SLC4A7: variants seen among roughly 807,000 people sequenced by gnomAD.
SLC4A7 encodes the protein sodium bicarbonate cotransporter 3.
A neutral mutation model predicts 137.6 loss-of-function variants in SLC4A7; 51 were observed. The observed-to-expected ratio is 0.37, with a 90% CI of 0.30 to 0.47. The LOEUF is 0.47. Ranked by LOEUF, SLC4A7 falls within the 20% of genes least tolerant of loss-of-function variation. SLC4A7 has a pLI of 1.00. For synonymous variants in SLC4A7, 542 were observed against 518.6 expected (o/e 1.05, Z -0.61); for missense variants, 1,247 against 1,525.4 (o/e 0.82, Z 3.04).
At chr3:27,394,916 GAAGAATCACAATGCTTA>G in intron 19 of SLC4A7, 21 bp downstream of exon 19, 1 of 1,560,616 alleles carries the variant, frequency 6.4e-7, no homozygotes, top group South Asian at 1.2e-5. Flanking sequence ...TCAAACCCTT[GAAGAATCACAATGCTTA>G]AGGCAAAATT....
intron 11 of SLC4A7, among the ~76,000 whole-genome samples, chr3:27,413,639 G>C (rs1273551257): frequency 6.6e-6 from 1 of 152,046 alleles, no homozygotes. Context: ...TGCTGAAAAG[G>C]CATTTGATAA....
chr3:27,448,662 G>A lies in SLC4A7; in HGVS notation c.278C>T (p.Ser93Phe). Residue 93 changes from serine (S) to phenylalanine (F), a missense_variant, in exon 3 of 26, where the codon TCT (serine) becomes TTT (phenylalanine). Ser to Phe is a radical substitution (Grantham distance 155, BLOSUM62 -2). This residue lies in a region of SLC4A7 where 176 missense variants were observed against 186.4 expected (regional missense o/e 0.94). Coordinates refer to ENST00000454389, the MANE Select transcript of SLC4A7 (RefSeq NM_001321103.2). Reference sequence around the variant, plus strand: ...CTGTTTTCTCTTACCATAAGAAGGAGATTCCCGTCCATCTTCTTTATCTGA... The same window carrying A: ...CTGTTTTCTCTTACCATAAGAAGGAAATTCCCGTCCATCTTCTTTATCTGA... ...KESDKEDGRESPSYDTPSQRV... is the reference protein window; with the variant it reads ...KESDKEDGREFPSYDTPSQRV... 3 of 1,610,962 alleles carry A rather than the reference G, an allele frequency of 1.9e-6. No individual in the cohort carries two copies. Among genetic ancestry groups the A allele is most frequent in the African/African-American group, 1.3e-5 (1 of 74,638 alleles).
intron 3 of SLC4A7, among the ~76,000 whole-genome samples, chr3:27,446,864 A>AGTTTTTTTTT (rs1253444445): frequency 7.5e-6 from 1 of 133,100 alleles, no homozygotes; most frequent in African/African-American, 2.8e-5. Context: ...CTCTTAGTAG[A>AGTTTTTTTTT]GTTTTTTTTT....
At chr3:27,385,846 T>C (rs1292304229) in intron 23 of SLC4A7, 46 bp downstream of exon 23, 1 of 1,329,156 alleles carries the variant, frequency 7.5e-7, no homozygotes, top group Admixed American at 2.2e-5. Flanking sequence ...TGGTGCAAAA[T>C]ATTAAATAAG....
intron 1 of SLC4A7, among the ~76,000 whole-genome samples, chr3:27,464,532 C>A (rs2150654846): frequency 6.6e-6 from 1 of 151,950 alleles, no homozygotes; most frequent in South Asian, 2.1e-4. Context: ...CCTATCTCCA[C>A]TAAAAATACA....
At chr3:27,397,976 A>G (rs1355710303) in intron 17 of SLC4A7, 179 bp from the exon 18 acceptor site, 7 of 610,900 alleles carry the variant, frequency 1.1e-5, no homozygotes, top group Admixed American at 6.6e-5. Flanking sequence ...TAAGAAACAC[A>G]TTTCGCAACT....
chr3:27,407,295 C>T (rs958497099), intron 13 of SLC4A7, among the ~76,000 whole-genome samples: 1 of 151,796 alleles, frequency 6.6e-6, no homozygotes, highest in Non-Finnish European at 1.5e-5. Flanking sequence ...GCCTGACCAA[C>T]ATGATGAAAC....
intron 8 of SLC4A7, among the ~76,000 whole-genome samples, chr3:27,423,102 C>T (rs185014850): frequency 6.6e-6 from 1 of 152,304 alleles, no homozygotes; most frequent in Non-Finnish European, 1.5e-5. Flanking sequence ...CCTTTCTGCA[C>T]AGCCAATGTC....
intron 13 of SLC4A7, among the ~76,000 whole-genome samples, chr3:27,405,808 T>C (rs980202149): frequency 6.6e-6 from 1 of 152,066 alleles, no homozygotes; most frequent in African/African-American, 2.4e-5. Flanking sequence ...TGACAAAGTA[T>C]CACTAAAGTT....
At chr3:27,464,726 T>C (rs1473668641) in intron 1 of SLC4A7, among the ~76,000 whole-genome samples, 1 of 149,436 alleles carries the variant, frequency 6.7e-6, no homozygotes, top group Non-Finnish European at 1.5e-5. Flanking sequence ...CCCAGCGCGG[T>C]CGCTAATGCC....
chr3:27,465,474 TA>T (rs10564000), intron 1 of SLC4A7, among the ~76,000 whole-genome samples: 69,901 of 125,238 alleles, frequency 0.56, 20,258 homozygotes, highest in East Asian at 0.81. Context: ...GTAGGCACAG[TA>T]AAAAAAAAAA....
At chr3:27,428,090 G>GA (rs1198085850) in intron 7 of SLC4A7, among the ~76,000 whole-genome samples, 6 of 152,148 alleles carry the variant, frequency 3.9e-5, no homozygotes, top group Admixed American at 3.9e-4. Flanking sequence ...TTTGTTCAAG[G>GA]AAAAATAGTA....
intron 9 of SLC4A7, 107 bp downstream of exon 9, chr3:27,421,515 A>C (rs2054977850): frequency 1.1e-6 from 1 of 904,780 alleles, no homozygotes; most frequent in Non-Finnish European, 1.6e-6. Context: ...AAAATTAAAT[A>C]AAATAAGCTT....
rs2056255007 is a variant in SLC4A7, at chr3:27,431,323, ATTC to A, written c.1122_1124del (p.Lys374del). On this transcript the variant is annotated inframe_deletion, in exon 7 of 26. Coordinates refer to ENST00000454389, the MANE Select transcript of SLC4A7 (RefSeq NM_001321103.2). ...CTGGAGTTAAGTCAACATTTTCCTC[ATTC>A]TTCTGCTCCTCGCCTTTCAGCGCTG... is the stretch of plus-strand genomic sequence containing the variant. 8 of 1,591,488 alleles carry A rather than the reference ATTC, an allele frequency of 5.0e-6. No individual in the cohort carries two copies. The highest frequency in any genetic ancestry group is 6.0e-6 in the Non-Finnish European group (7 of 1,167,318).
intron 11 of SLC4A7, among the ~76,000 whole-genome samples, chr3:27,414,213 G>C (rs910761902): frequency 1.3e-5 from 2 of 152,226 alleles, no homozygotes; most frequent in Non-Finnish European, 2.9e-5. Context: ...CCGGGAGGCA[G>C]AGGTTGCAGT....
At position 27,389,704 on chromosome 3, in the gene SLC4A7, C is replaced by G. The variant is rs1490704061; in HGVS notation, c.3360+227G>C. 2.6e-5 allele frequency among the ~76,000 whole-genome samples: 4 copies of G among 152,062 alleles called. No homozygotes were observed. In the East Asian group the frequency reaches 7.7e-4, roughly 29 times the overall value. ...TTATTTAAAAATACAAAACCAAGTC[C>G]TATAGCCTAAGGACTAAAAAGCAAA... On this transcript the variant is annotated intron_variant, in intron 22 of 25. Coordinates refer to ENST00000454389, the MANE Select transcript of SLC4A7 (RefSeq NM_001321103.2).
chr3:27,442,441 CT>C (rs68093589), intron 3 of SLC4A7, among the ~76,000 whole-genome samples: 78,553 of 135,892 alleles, frequency 0.58, 21,286 homozygotes, highest in East Asian at 0.77. Flanking sequence ...AGCTCATTTT[CT>C]TTTTTTTTTT....
chr3:27,398,324 C>G lies in SLC4A7; in HGVS notation c.2457G>C (p.Leu819Phe). 1 of 1,605,078 alleles carries G rather than the reference C, an allele frequency of 6.2e-7. No homozygotes were observed. Among genetic ancestry groups the G allele is most frequent in the Non-Finnish European group, 8.5e-7 (1 of 1,176,630 alleles). ...SECKKLRGVF[L>F]GSACGHHGPY... ...GTCCATGATGACCACAAGCTGACCC[C>G]AAGAATACACCACGAAGTTTTTTAC... Residue 819 changes from leucine to phenylalanine, a missense_variant, in exon 17 of 26, where the codon TTG (leucine) becomes TTC (phenylalanine). This residue lies in a region of SLC4A7 where 499 missense variants were observed against 664.2 expected (regional missense o/e 0.75). Coordinates refer to ENST00000454389, the MANE Select transcript of SLC4A7 (RefSeq NM_001321103.2).
chr3:27,419,731 G>A (rs1386778025), intron 10 of SLC4A7, among the ~76,000 whole-genome samples: 1 of 152,086 alleles, frequency 6.6e-6, no homozygotes, highest in Admixed American at 6.5e-5. Flanking sequence ...TACTGAGAGT[G>A]TAGAGAAAAA....
Sources: allele counts gnomAD v4.1 joint callset (sites outside exome capture counted in the v4.1 genomes callset), GRCh38; gene constraint gnomAD v4.1.1; regional missense constraint gnomAD v4.1.1; transcripts MANE v1.5; gene names NCBI Gene and HGNC (gene_info 2026-07-23, HGNC 2026-07-21).